C13orf46: variants seen among roughly 807,000 people sequenced by gnomAD.
C13orf46 encodes uncharacterized protein C13orf46.
the C13orf46 span, among the ~76,000 whole-genome samples, chr13:113,937,770 C>T: frequency 6.6e-6 from 1 of 152,144 alleles, no homozygotes; most frequent in African/African-American, 2.4e-5. Context: ...AAGAGACAAA[C>T]GGTTGCACTC....
At chr13:113,972,830 C>T (rs1048066927) in intron 1 of C13orf46, among the ~76,000 whole-genome samples, 2 of 152,182 alleles carry the variant, frequency 1.3e-5, no homozygotes, top group Non-Finnish European at 1.5e-5. Context: ...CTTCAGGCAT[C>T]GGCTGGCTTC....
At chr13:113,938,833 C>T in the C13orf46 span, among the ~76,000 whole-genome samples, 1 of 152,192 alleles carries the variant, frequency 6.6e-6, no homozygotes, top group Non-Finnish European at 1.5e-5. Context: ...CCCAGCACGT[C>T]CTTCCAAACA....
chr13:113,969,612 ATC>A (rs1171485516), intron 2 of C13orf46, among the ~76,000 whole-genome samples: 2 of 152,184 alleles, frequency 1.3e-5, no homozygotes, highest in Admixed American at 6.5e-5. Context: ...ACTTTGTTAG[ATC>A]TGAGACAAAT....
intron 5 of C13orf46, among the ~76,000 whole-genome samples, chr13:113,966,572 T>C (rs1382232209): frequency 6.6e-6 from 1 of 150,792 alleles, no homozygotes; most frequent in Non-Finnish European, 1.5e-5. Flanking sequence ...ATGATGGTGA[T>C]AGTGATAGTG....
At chr13:113,927,477 G>C in the C13orf46 span, 1 of 398,658 alleles carries the variant, frequency 2.5e-6, no homozygotes, top group Non-Finnish European at 4.4e-6. Flanking sequence ...TACAAGTCCT[G>C]GGCTATCTCC....
chr13:113,961,558 C>T (rs1313455847), intron 6 of C13orf46, among the ~76,000 whole-genome samples: 1 of 151,626 alleles, frequency 6.6e-6, no homozygotes, highest in Non-Finnish European at 1.5e-5. Context: ...AGTCATTGTT[C>T]TGAAGTATTC....
At chr13:113,947,753 C>T in the C13orf46 span, among the ~76,000 whole-genome samples, 8 of 152,320 alleles carry the variant, frequency 5.3e-5, no homozygotes, top group Non-Finnish European at 7.3e-5. Flanking sequence ...CAAGCAGATG[C>T]GCAGCCATGT....
chr13:113,940,585 G>A, the C13orf46 span, among the ~76,000 whole-genome samples: 311 of 22,810 alleles, frequency 0.014, 13 homozygotes, highest in African/African-American at 0.046. Context: ...CGAGACCCTG[G>A]TCTCTGGGAC....
chr13:113,930,587 C>G, the C13orf46 span, among the ~76,000 whole-genome samples: 1 of 152,180 alleles, frequency 6.6e-6, no homozygotes, highest in Non-Finnish European at 1.5e-5. Context: ...TGAGCCCCCA[C>G]GAGCATCCAA....
At chr13:113,952,354 C>A (rs2052492595), downstream of C13orf46, among the ~76,000 whole-genome samples, 1 of 148,096 alleles carries the variant, frequency 6.8e-6, no homozygotes, top group Non-Finnish European at 1.5e-5. Context: ...GCCGCTCCCG[C>A]CTGCCCAGGG....
the C13orf46 span, among the ~76,000 whole-genome samples, chr13:113,939,345 GAGACCACCCGATGGGGAGGATGC>G: frequency 5.2e-3 from 772 of 149,584 alleles, 10 homozygotes; most frequent in African/African-American, 0.018. Context: ...GGGGAGGACA[GAGACCACCCGATGGGGAGGATGC>G]AGACCACCCG....
intron 5 of C13orf46, among the ~76,000 whole-genome samples, chr13:113,965,886 AATGGTGATGGTGATGATGGCG>A: frequency 1.0e-5 from 1 of 99,564 alleles, no homozygotes; most frequent in East Asian, 3.3e-4. Flanking sequence ...TGATGGTGGT[AATGGTGATGGTGATGATGGCG>A]ATGGTGATGG....
downstream of C13orf46, among the ~76,000 whole-genome samples, chr13:113,952,915 C>T (rs1361629041): frequency 6.6e-6 from 1 of 152,248 alleles, no homozygotes; most frequent in Non-Finnish European, 1.5e-5. Flanking sequence ...CCGGCCTCAG[C>T]AGCATCAACC....
chr13:113,953,959 T>A lies in C13orf46; in HGVS notation c.*2814A>T, dbSNP rs1017949601. 1 of 152,342 alleles carries A rather than the reference T, an allele frequency of 6.6e-6. No homozygotes were observed. The highest frequency in any genetic ancestry group is 2.1e-4 in the South Asian group (1 of 4,838). The allele number at this position is 152,342 out of a possible 1,614,324, so 9.4% of individuals were successfully genotyped here. ...TGACTCTGGGGCCGATGGGCACTTATCTTCTGTGGTGTCTTTCAGTCAAGG... is the reference window on the plus strand; with the variant it reads ...TGACTCTGGGGCCGATGGGCACTTAACTTCTGTGGTGTCTTTCAGTCAAGG... On this transcript the variant is annotated 3_prime_UTR_variant, in exon 7 of 7. Coordinates refer to ENST00000636427, the MANE Select transcript of C13orf46 (RefSeq NM_001365455.2).
chr13:113,966,278 G>A (rs1414143363), intron 5 of C13orf46, among the ~76,000 whole-genome samples: 3 of 150,648 alleles, frequency 2.0e-5, no homozygotes, highest in Admixed American at 1.3e-4. Flanking sequence ...CAGTGATGGT[G>A]GTGATGATGG....
At chr13:113,966,078 G>C (rs1200612317) in intron 5 of C13orf46, among the ~76,000 whole-genome samples, 1 of 146,686 alleles carries the variant, frequency 6.8e-6, no homozygotes, top group Non-Finnish European at 1.5e-5. Flanking sequence ...TGGTGGTGAT[G>C]TGATGATGGT....
At chr13:113,957,284 T>TG (rs1348952520) in intron 6 of C13orf46, among the ~76,000 whole-genome samples, 3 of 121,094 alleles carry the variant, frequency 2.5e-5, no homozygotes, top group African/African-American at 6.6e-5. Flanking sequence ...TCAAGCACAC[T>TG]GGGGGGTCTC....
chr13:113,956,320 GGAGTAGTATCTGGTGGA>G lies in C13orf46; in HGVS notation c.*436_*452del, dbSNP rs2052533379. The G allele has an allele frequency of 7.0e-6, 1 of 142,770 alleles. No homozygotes were observed. The highest frequency in any genetic ancestry group is 7.3e-5 in the Admixed American group (1 of 13,636). 8.8% of individuals were successfully genotyped at this position (142,770 alleles called of 1,614,324 possible). On this transcript the variant is annotated 3_prime_UTR_variant, in exon 7 of 7. Coordinates refer to ENST00000636427, the MANE Select transcript of C13orf46 (RefSeq NM_001365455.2). Reference sequence around the variant, plus strand: ...GACGAGGAGCATCTGGTGGAGAGGAGGAGTAGTATCTGGTGGAGAGGAGTAGTATCTGGTGGAGAGGA... The same window carrying G: ...GACGAGGAGCATCTGGTGGAGAGGAGGAGGAGTAGTATCTGGTGGAGAGGA...
At chr13:113,947,061 C>T in the C13orf46 span, among the ~76,000 whole-genome samples, 1 of 152,220 alleles carries the variant, frequency 6.6e-6, no homozygotes, top group African/African-American at 2.4e-5. Context: ...GCCACAGACC[C>T]GGGGGCTGTC....
Sources: allele counts gnomAD v4.1 joint callset (sites outside exome capture counted in the v4.1 genomes callset), GRCh38; gene constraint gnomAD v4.1.1; transcripts MANE v1.5; gene names NCBI Gene and HGNC (gene_info 2026-07-23, HGNC 2026-07-21).